The following PRKD1 variants were observed in gnomAD, a reference collection of about 807,000 sequenced individuals.
PRKD1 encodes protein kinase D1.
In PRKD1, 63 loss-of-function variants were observed where a neutral mutation model predicts 95.9. The ratio of observed to expected loss-of-function variants is 0.66; its 90% CI spans 0.54 to 0.81. PRKD1 has a LOEUF of 0.81. Ranked by LOEUF, PRKD1 falls within the 30% of genes least tolerant of loss-of-function variation. The probability of loss-of-function intolerance (pLI) is 0.00; values close to 1 mark genes in which losing one functional copy is unlikely to be tolerated. For missense variants in PRKD1, 1,048 were observed against 1,165.3 expected, an observed-to-expected ratio of 0.90 and a Z score of 1.47; for synonymous variants, 425 against 423.1, an observed-to-expected ratio of 1.00 and a Z score of -0.05.
rs948994640 is a variant in PRKD1, at chr14:29,728,025, G to A, written c.265-2351C>T. Among the ~76,000 whole-genome samples, 3 of 151,858 alleles carry A rather than the reference G, an allele frequency of 2.0e-5. 1 individual carries two copies. Among genetic ancestry groups the A allele is most frequent in the Non-Finnish European group, 4.4e-5 (3 of 68,006 alleles). ...GGGACTGTTGTGGGGTGGGGCGAGG[G>A]GGGAGGGATAGCATTGGGAGATATA... is the stretch of plus-strand genomic sequence containing the variant. On this transcript the variant is annotated intron_variant, in intron 1 of 17. Coordinates refer to ENST00000331968, the MANE Select transcript of PRKD1 (RefSeq NM_002742.3).
At chr14:29,888,263 G>A (rs978802954) in intron 1 of PRKD1, among the ~76,000 whole-genome samples, 1 of 151,870 alleles carries the variant, frequency 6.6e-6, no homozygotes, top group African/African-American at 2.4e-5. Context: ...CTGCACTCCA[G>A]CCTGGGTGAC....
Position 29,660,019 on chromosome 14 carries a change from G to A in PRKD1, c.696+3680C>T, listed in dbSNP as rs577919792. 6.6e-5 allele frequency among the ~76,000 whole-genome samples: 10 copies of A among 152,052 alleles called. No individual in the cohort carries two copies. The South Asian group carries it at 1.0e-3, about 16-fold the overall frequency. On this transcript the variant is annotated intron_variant, in intron 4 of 17. Transcript: ENST00000331968. ...CTGTTTAAAAAAGCTTTTCCTACTC[G>A]AAGTTCTTGTAGATATACTTTCTGT...
chr14:29,839,267 G>A (rs554168715), intron 1 of PRKD1, among the ~76,000 whole-genome samples: 5 of 152,300 alleles, frequency 3.3e-5, no homozygotes, highest in Admixed American at 3.3e-4. Flanking sequence ...ATCAGCTACA[G>A]CCAATGGCAG....
At chr14:29,720,779 C>CAAAAAAAA (rs199687649) in intron 2 of PRKD1, among the ~76,000 whole-genome samples, 1 of 146,782 alleles carries the variant, frequency 6.8e-6, no homozygotes. Context: ...GATTCTGTCT[C>CAAAAAAAA]AAAAAAAATA....
At chr14:29,711,380 T>C (rs556101189) in intron 2 of PRKD1, among the ~76,000 whole-genome samples, 2 of 152,178 alleles carry the variant, frequency 1.3e-5, no homozygotes, top group African/African-American at 4.8e-5. Flanking sequence ...AAGACAGCAA[T>C]TGACAATCAC....
In PRKD1 at chr14:29,806,517, C is replaced by A. The variant is rs538466621; in HGVS notation, c.265-80843G>T. 2.6e-5 allele frequency among the ~76,000 whole-genome samples: 4 copies of A among 152,052 alleles called. No homozygotes were observed. The South Asian group carries it at 8.3e-4, about 32-fold the overall frequency. ...GTAGTCTGAATCAGAAAACAGCCAG[C>A]GCATCATGCAGATTACATTACAGGT... On this transcript the variant is annotated intron_variant, in intron 1 of 17. Transcript: ENST00000331968.
chr14:29,637,991 T>C (rs531545904), intron 6 of PRKD1, among the ~76,000 whole-genome samples: 19 of 152,326 alleles, frequency 1.2e-4, no homozygotes, highest in Non-Finnish European at 1.8e-4. Flanking sequence ...GCTTAAGATA[T>C]GGCATTTTTC....
intron 1 of PRKD1, among the ~76,000 whole-genome samples, chr14:29,870,622 G>C (rs1052803671): frequency 6.6e-6 from 1 of 152,134 alleles, no homozygotes; most frequent in Non-Finnish European, 1.5e-5. Flanking sequence ...CATTTGCTTT[G>C]TAATAACCCC....
intron 2 of PRKD1, among the ~76,000 whole-genome samples, chr14:29,694,903 A>G (rs559824684): frequency 6.6e-6 from 1 of 152,136 alleles, no homozygotes; most frequent in Non-Finnish European, 1.5e-5. Context: ...AAAGAGATCA[A>G]TGAAAGAATA....
At chr14:29,812,319 C>T (rs989320122) in intron 1 of PRKD1, among the ~76,000 whole-genome samples, 4 of 152,040 alleles carry the variant, frequency 2.6e-5, no homozygotes, top group Non-Finnish European at 4.4e-5. Context: ...TAGATATAAC[C>T]GGAACACTAA....
chr14:29,582,282 T>G (rs1048534191), intron 16 of PRKD1, among the ~76,000 whole-genome samples: 9 of 152,202 alleles, frequency 5.9e-5, no homozygotes, highest in Middle Eastern at 3.2e-3. Flanking sequence ...CTGAGCTTCT[T>G]GTTGAATAAT....
chr14:29,790,235 C>G (rs1889476660), intron 1 of PRKD1, among the ~76,000 whole-genome samples: 1 of 151,794 alleles, frequency 6.6e-6, no homozygotes, highest in Admixed American at 6.6e-5. Flanking sequence ...TGGTCTCGAT[C>G]TCTTGACCTT....
intron 1 of PRKD1, among the ~76,000 whole-genome samples, chr14:29,758,484 C>CA (rs1887818617): frequency 6.6e-6 from 1 of 152,108 alleles, no homozygotes; most frequent in South Asian, 2.1e-4. Flanking sequence ...CCCTCTGAGC[C>CA]AAGTTAGAAA....
At chr14:29,646,588 C>T (rs8009376) in intron 4 of PRKD1, among the ~76,000 whole-genome samples, 1 of 151,790 alleles carries the variant, frequency 6.6e-6, no homozygotes, top group Non-Finnish European at 1.5e-5. Flanking sequence ...TTTCAGGACA[C>T]TTCAGTCCTA....
intron 16 of PRKD1, chr14:29,591,362 T>G (rs1825384536): frequency 6.6e-6 from 1 of 152,256 alleles, no homozygotes; most frequent in Admixed American, 6.5e-5. Context: ...TTTATAAATT[T>G]TATAATGTAT....
chr14:29,606,177 T>G (rs1893698401), intron 13 of PRKD1, among the ~76,000 whole-genome samples: 1 of 152,138 alleles, frequency 6.6e-6, no homozygotes. Context: ...CATGCCTGGC[T>G]AATTTTTGTA....
intron 4 of PRKD1, chr14:29,656,454 A>G (rs6571317): frequency 0.43 from 651,116 of 1,525,588 alleles, 146,505 homozygotes; most frequent in African/African-American, 0.81. Context: ...AATTTCTAGC[A>G]CCAGGTAGCA....
At position 29,927,285 on chromosome 14, in the gene PRKD1, G is replaced by A. The variant is rs1895338500; in HGVS notation, c.228C>T (p.His76=). 1 of 1,536,174 alleles carries A rather than the reference G, an allele frequency of 6.5e-7. No individual in the cohort carries two copies. Among genetic ancestry groups the A allele is most frequent in the East Asian group, 2.7e-5 (1 of 37,700 alleles). The change falls in exon 1 of 18, where the codon CAC becomes CAT. Residue 76 remains histidine, a synonymous_variant. Transcript: ENST00000331968. Reference sequence around the variant, plus strand: ...CAATGGAGCAAGCCATCTCGCGGACGTGCGCCAGGCTGTAGTCCCCGGACG... The same window carrying A: ...CAATGGAGCAAGCCATCTCGCGGACATGCGCCAGGCTGTAGTCCCCGGACG... ...QDSSGDYSLA[H]VREMACSIVD...
At chr14:29,669,877 AAAAC>A (rs1882742630) in intron 2 of PRKD1, among the ~76,000 whole-genome samples, 1 of 152,216 alleles carries the variant, frequency 6.6e-6, no homozygotes, top group Admixed American at 6.5e-5. Context: ...CAAAAAACAA[AAAAC>A]AAAAACAAAA....
Sources: gnomAD v4.1 joint callset for allele counts (sites outside exome capture counted in the v4.1 genomes callset) on GRCh38, gnomAD v4.1.1 for gene constraint, MANE v1.5 for transcripts, NCBI Gene and HGNC (gene_info 2026-07-23, HGNC 2026-07-21) for gene names.